Variants in FTO observed in about 807,000 individuals in gnomAD.
FTO encodes the protein alpha-ketoglutarate-dependent dioxygenase FTO.
FTO carries 47 observed loss-of-function variants against 63.9 expected under a neutral mutation model. The ratio of observed to expected loss-of-function variants is 0.74; its 90% CI spans 0.58 to 0.94. The LOEUF is 0.94. Ranked by LOEUF, FTO falls within the 40% of genes least tolerant of loss-of-function variation. The probability of loss-of-function intolerance (pLI) is 0.00; values close to 1 mark genes in which losing one functional copy is unlikely to be tolerated. For missense variants in FTO, 562 were observed against 618.1 expected, an observed-to-expected ratio of 0.91 and a Z score of 0.96; for synonymous variants, 207 against 224.4, an observed-to-expected ratio of 0.92 and a Z score of 0.69.
intron 8 of FTO, among the ~76,000 whole-genome samples, chr16:54,074,926 G>GTT (rs1355554887): frequency 2.8e-5 from 4 of 144,904 alleles, no homozygotes; most frequent in Admixed American, 6.8e-5. Context: ...GAGTGTGTGT[G>GTT]TGTGTGTGTG....
chr16:53,959,309 A>C (rs2083009532), intron 8 of FTO, among the ~76,000 whole-genome samples: 1 of 152,128 alleles, frequency 6.6e-6, no homozygotes, highest in South Asian at 2.1e-4. Context: ...TGTGAAACAC[A>C]GATTGCAGGC....
chr16:53,869,105 T>TTGGGAGACCAA (rs745484687), intron 4 of FTO, among the ~76,000 whole-genome samples: 1 of 152,178 alleles, frequency 6.6e-6, no homozygotes, highest in Non-Finnish European at 1.5e-5. Context: ...GTGCTTGGAT[T>TTGGGAGACCAA]ACAGACATGA....
At chr16:54,024,449 C>T (rs1315711244) in intron 8 of FTO, among the ~76,000 whole-genome samples, 1 of 151,906 alleles carries the variant, frequency 6.6e-6, no homozygotes, top group African/African-American at 2.4e-5. Flanking sequence ...AGGCTGGTCT[C>T]GAACTCCTGA....
At position 53,883,622 on chromosome 16, in the gene FTO, C is replaced by CAAAAAA. The variant is rs36010057; in HGVS notation, c.1119+3643_1119+3648dup. Among the ~76,000 whole-genome samples, 43 of 59,284 alleles carry CAAAAAA rather than the reference C, an allele frequency of 7.3e-4. 6 individuals are homozygous for CAAAAAA. Among genetic ancestry groups the CAAAAAA allele is most frequent in the African/African-American group, 2.5e-3 (30 of 11,920 alleles). 38.9% of individuals were successfully genotyped at this position (59,284 alleles called of 152,430 possible). On this transcript the variant is annotated intron_variant, in intron 6 of 8. Transcript: ENST00000471389. ...GGGCAACAAGGGCGAAACTCTATCT[C>CAAAAAA]AAAAAAAAAAAAACAAAAAAAAAAA...
intron 8 of FTO, among the ~76,000 whole-genome samples, chr16:54,078,349 TTATA>T (rs1396724590): frequency 6.8e-6 from 1 of 147,302 alleles, no homozygotes; most frequent in African/African-American, 2.5e-5. Flanking sequence ...TAGTATATAA[TTATA>T]TATAATATTC....
chr16:53,767,970 T>C lies in FTO; in HGVS notation c.46-42170T>C, dbSNP rs117638347. On this transcript the variant is annotated intron_variant, in intron 1 of 8. Coordinates refer to ENST00000471389, the MANE Select transcript of FTO (RefSeq NM_001080432.3). Reference sequence around the variant, plus strand: ...GAGGATTCAGTGAGTTAATATAGGCTAAGGTGCATAATATAATGCCTGACA... The same window carrying C: ...GAGGATTCAGTGAGTTAATATAGGCCAAGGTGCATAATATAATGCCTGACA... Among the ~76,000 whole-genome samples, 20 of 152,340 alleles carry C rather than the reference T, an allele frequency of 1.3e-4. No individual in the cohort carries two copies. The East Asian group carries it at 3.9e-3, about 29-fold the overall frequency.
At chr16:54,032,019 G>A (rs2084843725) in intron 8 of FTO, among the ~76,000 whole-genome samples, 1 of 152,152 alleles carries the variant, frequency 6.6e-6, no homozygotes, top group Admixed American at 6.5e-5. Flanking sequence ...CAATATATGG[G>A]AGGCATCAAA....
intron 8 of FTO, among the ~76,000 whole-genome samples, chr16:54,056,013 C>T (rs2085424073): frequency 6.6e-6 from 1 of 152,212 alleles, no homozygotes; most frequent in Admixed American, 6.5e-5. Flanking sequence ...CTGGTTCTTT[C>T]CTAGTACCTA....
intron 8 of FTO, among the ~76,000 whole-genome samples, chr16:53,946,593 A>G (rs931194036): frequency 6.6e-6 from 1 of 151,812 alleles, no homozygotes. Context: ...ATTTTTTTTC[A>G]CTGAAAAAGT....
intron 8 of FTO, among the ~76,000 whole-genome samples, chr16:54,106,851 TA>T (rs1183537156): frequency 7.4e-6 from 1 of 135,472 alleles, no homozygotes; most frequent in East Asian, 2.1e-4. Context: ...TCATTATATA[TA>T]ATAATTATAT....
intron 8 of FTO, among the ~76,000 whole-genome samples, chr16:54,084,310 T>G (rs1335817551): frequency 6.6e-6 from 1 of 152,214 alleles, no homozygotes; most frequent in Non-Finnish European, 1.5e-5. Context: ...TCCCCTTCCT[T>G]TGACAGTCCT....
chr16:53,786,877 T>C (rs2077753989), intron 1 of FTO, among the ~76,000 whole-genome samples: 1 of 151,964 alleles, frequency 6.6e-6, no homozygotes, highest in Non-Finnish European at 1.5e-5. Context: ...TTTGGGAGGC[T>C]GAGGCGGGCA....
At chr16:53,861,353 A>G (rs1046948425) in intron 4 of FTO, among the ~76,000 whole-genome samples, 3 of 152,204 alleles carry the variant, frequency 2.0e-5, no homozygotes, top group Non-Finnish European at 4.4e-5. Flanking sequence ...TAAGTGTTCC[A>G]ATTTACAAAT....
At chr16:53,726,467 G>A (rs574265339) in intron 1 of FTO, among the ~76,000 whole-genome samples, 37 of 152,292 alleles carry the variant, frequency 2.4e-4, no homozygotes, top group African/African-American at 8.7e-4. Context: ...ATCTGAGAAT[G>A]TGTATGTGTC....
At chr16:53,802,495 C>T (rs1390557280) in intron 1 of FTO, among the ~76,000 whole-genome samples, 1 of 152,082 alleles carries the variant, frequency 6.6e-6, no homozygotes, top group African/African-American at 2.4e-5. Context: ...ATCTTTTTCA[C>T]TGGATTTAAG....
intron 8 of FTO, among the ~76,000 whole-genome samples, chr16:54,063,105 T>C (rs2085625223): frequency 6.6e-6 from 1 of 152,194 alleles, no homozygotes; most frequent in African/African-American, 2.4e-5. Context: ...ACTGTGGATG[T>C]TGTGTCTTTT....
At chr16:53,890,530 G>C (rs1052606868) in intron 7 of FTO, among the ~76,000 whole-genome samples, 4 of 152,162 alleles carry the variant, frequency 2.6e-5, no homozygotes, top group African/African-American at 9.7e-5. Flanking sequence ...GTCTGGATCA[G>C]AATCCAAAAG....
intron 3 of FTO, among the ~76,000 whole-genome samples, chr16:53,843,169 A>G (rs990865962): frequency 2.0e-5 from 3 of 152,214 alleles, no homozygotes; most frequent in African/African-American, 7.2e-5. Flanking sequence ...TGCTCTTACA[A>G]GCAATACTAC....
intron 1 of FTO, among the ~76,000 whole-genome samples, chr16:53,763,348 G>A (rs1382394863): frequency 6.6e-6 from 1 of 152,152 alleles, no homozygotes; most frequent in Non-Finnish European, 1.5e-5. Context: ...TGACAATGAT[G>A]TGCTTTATTG....
Sources: allele counts gnomAD v4.1 joint callset (sites outside exome capture counted in the v4.1 genomes callset), GRCh38; gene constraint gnomAD v4.1.1; transcripts MANE v1.5; gene names NCBI Gene and HGNC (gene_info 2026-07-23, HGNC 2026-07-21).